RYR2: variants seen among roughly 807,000 people sequenced by gnomAD.
RYR2 encodes ryanodine receptor 2.
In RYR2, 227 loss-of-function variants were observed where a neutral mutation model predicts 601.1. The observed-to-expected ratio is 0.38, with a 90% confidence interval of 0.34 to 0.42. RYR2 has a LOEUF of 0.42. RYR2 is among the 10% of genes least tolerant of loss of function. The pLI is 1.00. For synonymous variants in RYR2, 2,223 were observed against 2,175.1 expected (o/e 1.02, Z -0.61); for missense variants, 4,646 against 6,156.5 (o/e 0.75, Z 8.21).
At position 237,590,910 on chromosome 1, in the gene RYR2, G is replaced by A. The variant is rs1274140033; in HGVS notation, c.4078G>A (p.Asp1360Asn). Residue 1360 changes from aspartate (D) to asparagine (N), a missense_variant, in exon 31 of 105, where the codon GAC (aspartate) becomes AAC (asparagine). Physicochemically the swap from Asp to Asn is conservative, Grantham distance 23 (BLOSUM62 1). Around this residue, in one of 17 missense-constraint regions of RYR2, gnomAD observed 1,807 missense variants for 2,088.1 expected, o/e 0.87. Transcript: ENST00000366574. ...AHGHLVPDRV[D>N]KDKEATKPEF... ...TGGCCATCTAGTGCCCGATCGTGTT[G>A]ACAAAGACAAAGAAGCTACTAAACC... 1.9e-6 allele frequency: 3 copies of A among 1,613,648 alleles called. No homozygotes were observed. The highest frequency in any genetic ancestry group is 1.1e-5 in the South Asian group (1 of 91,056).
intron 1 of RYR2, among the ~76,000 whole-genome samples, chr1:237,066,891 C>T (rs1663703057): frequency 6.6e-6 from 1 of 152,142 alleles, no homozygotes; most frequent in African/African-American, 2.4e-5. Flanking sequence ...CCCGCCTCGG[C>T]CTCCCAAAGT....
intron 25 of RYR2, among the ~76,000 whole-genome samples, chr1:237,536,442 T>C (rs1277395094): frequency 6.2e-5 from 9 of 145,672 alleles, no homozygotes; most frequent in South Asian, 2.2e-4. Context: ...TGGCCGGGCG[T>C]GGTGGCTCAC....
At chr1:237,453,272 A>G (rs1450970918) in intron 14 of RYR2, among the ~76,000 whole-genome samples, 1 of 152,110 alleles carries the variant, frequency 6.6e-6, no homozygotes, top group East Asian at 1.9e-4. Context: ...TTGGTATAGA[A>G]TTTCAGGCAA....
chr1:237,549,945 T>TTA (rs1670214079), intron 26 of RYR2, among the ~76,000 whole-genome samples: 1 of 152,200 alleles, frequency 6.6e-6, no homozygotes, highest in Admixed American at 6.5e-5. Context: ...TCAACACATT[T>TTA]TAACCACAGT....
At chr1:237,574,339 G>C (rs2148318378) in intron 29 of RYR2, among the ~76,000 whole-genome samples, 1 of 152,224 alleles carries the variant, frequency 6.6e-6, no homozygotes. Flanking sequence ...GGAAGCCCAG[G>C]GAAAGAGGTT....
chr1:237,476,890 A>G (rs1484233914), intron 17 of RYR2, among the ~76,000 whole-genome samples: 1 of 152,182 alleles, frequency 6.6e-6, no homozygotes, highest in East Asian at 1.9e-4. Flanking sequence ...AGGCAACACT[A>G]TTGACTTTCT....
chr1:237,273,930 A>T (rs138959605), intron 2 of RYR2, among the ~76,000 whole-genome samples: 3,092 of 146,500 alleles, frequency 0.021, 110 homozygotes, highest in African/African-American at 0.072. Flanking sequence ...ATTATAAAAT[A>T]TATATTATAT....
chr1:237,489,437 G>A (rs2997974), intron 17 of RYR2, among the ~76,000 whole-genome samples: 42,200 of 152,058 alleles, frequency 0.28, 5,953 homozygotes, highest in South Asian at 0.41. Context: ...TGGGCGGATC[G>A]CCTGAGATCA....
At chr1:237,333,900 G>T (rs1696989033) in intron 3 of RYR2, among the ~76,000 whole-genome samples, 1 of 152,156 alleles carries the variant, frequency 6.6e-6, no homozygotes, top group South Asian at 2.1e-4. Context: ...CAGATGAACA[G>T]TGAGTCAAAA....
chr1:237,635,675 A>G (rs56728595), intron 44 of RYR2, among the ~76,000 whole-genome samples: 3,790 of 152,208 alleles, frequency 0.025, 136 homozygotes, highest in African/African-American at 0.085. Flanking sequence ...GATCATGCCA[A>G]TCCTCCATCC....
chr1:237,468,463 G>C (rs1341030009), intron 16 of RYR2, among the ~76,000 whole-genome samples: 1 of 152,146 alleles, frequency 6.6e-6, no homozygotes. Context: ...AGCCAAGCTA[G>C]AATCAGTTTC....
intron 1 of RYR2, among the ~76,000 whole-genome samples, chr1:237,172,158 C>T (rs2148910016): frequency 6.6e-6 from 1 of 152,284 alleles, no homozygotes; most frequent in Middle Eastern, 3.4e-3. Flanking sequence ...TTAGGGAAAT[C>T]TTATTCCTTT....
At chr1:237,281,054 G>A (rs1451444129) in intron 2 of RYR2, among the ~76,000 whole-genome samples, 4 of 152,084 alleles carry the variant, frequency 2.6e-5, no homozygotes, top group African/African-American at 9.7e-5. Flanking sequence ...CAAAGTGCTG[G>A]GATTTCAGGC....
intron 1 of RYR2, among the ~76,000 whole-genome samples, chr1:237,208,914 C>G (rs1682123047): frequency 7.7e-6 from 1 of 129,138 alleles, no homozygotes; most frequent in African/African-American, 2.9e-5. Flanking sequence ...TCTCTCTCAT[C>G]TGTACAACCA....
chr1:237,313,029 G>A (rs1467223367), intron 2 of RYR2, among the ~76,000 whole-genome samples: 1 of 150,002 alleles, frequency 6.7e-6, no homozygotes, highest in African/African-American at 2.5e-5. Context: ...AAGATATGAA[G>A]CATATTCAGT....
intron 16 of RYR2, among the ~76,000 whole-genome samples, chr1:237,462,405 A>C (rs886238180): frequency 6.6e-6 from 1 of 152,164 alleles, no homozygotes; most frequent in Non-Finnish European, 1.5e-5. Context: ...ATACCTCAGG[A>C]TCTTAGAAAC....
intron 25 of RYR2, among the ~76,000 whole-genome samples, chr1:237,541,446 C>T (rs1669246664): frequency 6.6e-6 from 1 of 152,194 alleles, no homozygotes; most frequent in South Asian, 2.1e-4. Context: ...TAAAATTGTG[C>T]TCTATTTAAA....
chr1:237,747,480 G>A (rs1692179374), intron 80 of RYR2, among the ~76,000 whole-genome samples: 2 of 152,200 alleles, frequency 1.3e-5, no homozygotes, highest in Non-Finnish European at 2.9e-5. Flanking sequence ...GTATCCCACA[G>A]TATGCACCAT....
intron 1 of RYR2, among the ~76,000 whole-genome samples, chr1:237,154,853 T>A (rs1033614018): frequency 3.3e-5 from 5 of 152,212 alleles, no homozygotes; most frequent in African/African-American, 4.8e-5. Flanking sequence ...TTGTTAAAGT[T>A]CCTCAAAACA....
Sources: allele counts gnomAD v4.1 joint callset (sites outside exome capture counted in the v4.1 genomes callset), GRCh38; gene constraint gnomAD v4.1.1; regional missense constraint gnomAD v4.1.1; transcripts MANE v1.5; gene names NCBI Gene and HGNC (gene_info 2026-07-23, HGNC 2026-07-21).